KANSL1: variants seen among roughly 807,000 people sequenced by gnomAD.
KANSL1 encodes the protein KAT8 regulatory NSL complex subunit 1.
Under a neutral mutation model 103.6 loss-of-function variants are expected in KANSL1, and 22 were observed. That is an observed-to-expected ratio of 0.21 (90% CI 0.15 to 0.30). The LOEUF is 0.30. Among genes scored for constraint, KANSL1 ranks in the 10% least tolerant of loss-of-function variants. KANSL1 has a pLI of 1.00. For synonymous variants in KANSL1, 600 were observed against 527.6 expected, an observed-to-expected ratio of 1.14 and a Z score of -1.88; for missense variants, 1,337 against 1,399.8, an observed-to-expected ratio of 0.96 and a Z score of 0.72.
chr17:46,148,412 C>A (rs980106404), intron 2 of KANSL1, among the ~76,000 whole-genome samples: 1 of 152,210 alleles, frequency 6.6e-6, no homozygotes, highest in African/African-American at 2.4e-5. Flanking sequence ...CAAAAACCCA[C>A]CCCTAACCAT....
chr17:46,045,563 G>T (rs995285766), intron 7 of KANSL1: 2 of 152,100 alleles, frequency 1.3e-5, no homozygotes, highest in African/African-American at 4.8e-5. Context: ...AAACAAATAG[G>T]ATTAGATGCA....
At chr17:46,202,403 C>G (rs938214906) in intron 1 of KANSL1, among the ~76,000 whole-genome samples, 4 of 152,304 alleles carry the variant, frequency 2.6e-5, no homozygotes, top group South Asian at 2.1e-4. Flanking sequence ...AGAATTCTCA[C>G]TGTTTCAAGA....
At chr17:46,172,816 T>A (rs1390607318) in intron 1 of KANSL1, among the ~76,000 whole-genome samples, 1 of 152,220 alleles carries the variant, frequency 6.6e-6, no homozygotes, top group African/African-American at 2.4e-5. Flanking sequence ...TTCTTTCAGA[T>A]CAAAGTGGTC....
chr17:46,076,237 G>A (rs1050843690), intron 4 of KANSL1, among the ~76,000 whole-genome samples: 15 of 152,120 alleles, frequency 9.9e-5, no homozygotes, highest in African/African-American at 3.1e-4. Context: ...GCTCACGCCT[G>A]TAATCCCAGC....
intron 6 of KANSL1, among the ~76,000 whole-genome samples, chr17:46,062,114 C>CAAAAA (rs1192815524): frequency 0.011 from 401 of 37,002 alleles, 5 homozygotes; most frequent in South Asian, 0.013. Flanking sequence ...AAAAAACAAA[C>CAAAAA]AAACAAAAAA....
intron 7 of KANSL1, among the ~76,000 whole-genome samples, chr17:46,048,420 A>G (rs1461821896): frequency 6.6e-6 from 1 of 151,924 alleles, no homozygotes; most frequent in Non-Finnish European, 1.5e-5. Context: ...ATACAAAAAA[A>G]TTAGCCAGGC....
At chr17:46,215,747 T>A (rs1406425668) in intron 1 of KANSL1, among the ~76,000 whole-genome samples, 1 of 152,162 alleles carries the variant, frequency 6.6e-6, no homozygotes, top group Non-Finnish European at 1.5e-5. Flanking sequence ...CATTTTAAAA[T>A]GCCCATAAGA....
chr17:46,140,840 G>T (rs759648332), intron 2 of KANSL1, among the ~76,000 whole-genome samples: 13 of 152,170 alleles, frequency 8.5e-5, no homozygotes, highest in African/African-American at 2.9e-4. Context: ...ACTTCACATT[G>T]ACTAGCATGG....
intron 13 of KANSL1, chr17:46,032,624 A>AG: frequency 2.8e-6 from 1 of 350,916 alleles, no homozygotes; most frequent in Non-Finnish European, 5.1e-6. Context: ...AGCTCCCAAA[A>AG]CTTTCTACTT....
chr17:46,129,704 T>A (rs2043751539), intron 2 of KANSL1, among the ~76,000 whole-genome samples: 2 of 152,174 alleles, frequency 1.3e-5, no homozygotes, highest in Non-Finnish European at 2.9e-5. Flanking sequence ...AAGCCTACTC[T>A]AAGTATTTGC....
intron 4 of KANSL1, among the ~76,000 whole-genome samples, chr17:46,081,562 G>A (rs2078989868): frequency 6.6e-6 from 1 of 152,158 alleles, no homozygotes; most frequent in South Asian, 2.1e-4. Flanking sequence ...TTAGGTGAGA[G>A]ATCTTTCCAA....
In KANSL1 at chr17:46,105,943, ACACAC is replaced by A. The variant is rs1359342467; in HGVS notation, c.1290-11247_1290-11243del. The stretch of plus-strand genomic sequence containing the variant: ...CACACACACACACACACACACACAC[ACACAC>A]CCCCCCAGAAGGGTGAAGGAGCAGA... On this transcript the variant is annotated intron_variant, in intron 2 of 14. Coordinates refer to ENST00000432791, the MANE Select transcript of KANSL1 (RefSeq NM_015443.4). Among the ~76,000 whole-genome samples the A allele has an allele frequency of 3.4e-3, 233 of 69,502 alleles. 3 individuals carry two copies. The highest frequency in any genetic ancestry group is 0.026 in the East Asian group (93 of 3,592). 45.6% of individuals were successfully genotyped at this position (69,502 alleles called of 152,430 possible).
chr17:46,155,855 C>A (rs2045396232), intron 2 of KANSL1, among the ~76,000 whole-genome samples: 1 of 152,110 alleles, frequency 6.6e-6, no homozygotes, highest in Non-Finnish European at 1.5e-5. Context: ...ATTACTTAAG[C>A]CCAGGAGTCT....
upstream of KANSL1, among the ~76,000 whole-genome samples, chr17:46,198,269 C>G (rs1664041753): frequency 6.6e-6 from 1 of 151,772 alleles, no homozygotes; most frequent in Non-Finnish European, 1.5e-5. Context: ...ATACCACCTA[C>G]CTCTTAAGTT....
At chr17:46,210,490 A>G (rs796899689) in intron 1 of KANSL1, among the ~76,000 whole-genome samples, 43,512 of 64,170 alleles carry the variant, frequency 0.68, 12,465 homozygotes, top group South Asian at 0.84. Flanking sequence ...AAAAAAAAAA[A>G]AAAAAAAAAA....
chr17:46,135,666 G>A (rs902181376), intron 2 of KANSL1, among the ~76,000 whole-genome samples: 15 of 149,510 alleles, frequency 1.0e-4, no homozygotes, highest in East Asian at 5.9e-4. Context: ...CAAGTAGCTG[G>A]GACTACAGGC....
rs762977307 is a variant in KANSL1 at position 46,171,616 on chromosome 17, G to A, written c.528C>T (p.Leu176=). The part of the protein sequence containing the change: ...THSDHDNSTS[L]NGGKRALTSS... The stretch of plus-strand genomic sequence containing the variant: ...AAGTGAGAGCCCGTTTTCCCCCATT[G>A]AGGGAAGTGGAATTGTCATGATCAG... The change falls in exon 2 of 15, where the codon CTC becomes CTT. Residue 176 remains leucine, a synonymous_variant. Transcript: ENST00000432791. 2.5e-6 allele frequency: 4 copies of A among 1,576,190 alleles called. No homozygotes were observed. The highest frequency in any genetic ancestry group is 2.2e-5 in the East Asian group (1 of 44,594).
intron 7 of KANSL1, chr17:46,041,140 T>C (rs1198296041): frequency 6.6e-6 from 1 of 152,202 alleles, no homozygotes; most frequent in Non-Finnish European, 1.5e-5. Flanking sequence ...TACAATAAAC[T>C]GCTATATAAT....
rs2146285233 is a variant in KANSL1, at chr17:46,030,072, C to A, written c.*1404G>T. ...ACAAAGACAGCTACATGTTTCGCTGCCATTACACAGCTCCAAAGCAGGAAA... is the reference window on the plus strand; with the variant it reads ...ACAAAGACAGCTACATGTTTCGCTGACATTACACAGCTCCAAAGCAGGAAA... On this transcript the variant is annotated 3_prime_UTR_variant, in exon 15 of 15. Transcript: ENST00000432791. 6.6e-6 allele frequency: 1 copy of A among 152,064 alleles called. No individual in the cohort carries two copies. Among genetic ancestry groups the A allele is most frequent in the East Asian group, 1.9e-4 (1 of 5,170 alleles). 9.4% of individuals were successfully genotyped at this position (152,064 alleles called of 1,614,324 possible).
Sources: allele counts gnomAD v4.1 joint callset (sites outside exome capture counted in the v4.1 genomes callset), GRCh38; gene constraint gnomAD v4.1.1; transcripts MANE v1.5; gene names NCBI Gene and HGNC (gene_info 2026-07-23, HGNC 2026-07-21).